CNTN4: variants seen among roughly 807,000 people sequenced by gnomAD.
CNTN4 encodes the protein contactin 4.
A neutral mutation model predicts 122.5 loss-of-function variants in CNTN4; 77 were observed. The observed-to-expected ratio is 0.63, with a 90% CI of 0.52 to 0.76. The LOEUF is 0.76. CNTN4 is among the 30% of genes least tolerant of loss of function. The pLI is 0.00. For missense variants in CNTN4, 1,256 were observed against 1,259.1 expected (o/e 1.00, Z 0.04); for synonymous variants, 512 against 447.0 (o/e 1.15, Z -1.83).
chr3:2,650,512 C>T (rs139359145), intron 4 of CNTN4, among the ~76,000 whole-genome samples: 56 of 152,244 alleles, frequency 3.7e-4, no homozygotes, highest in African/African-American at 1.1e-3. Context: ...ATTCCTACTG[C>T]GGATAAAATC....
intron 2 of CNTN4, among the ~76,000 whole-genome samples, chr3:2,204,364 TG>T (rs1306734258): frequency 6.6e-6 from 1 of 152,192 alleles, no homozygotes; most frequent in Non-Finnish European, 1.5e-5. Context: ...TAAAATTATA[TG>T]TAACTACGCA....
chr3:2,917,113 A>T, intron 12 of CNTN4, among the ~76,000 whole-genome samples: 1 of 136,632 alleles, frequency 7.3e-6, no homozygotes, highest in African/African-American at 2.8e-5. Flanking sequence ...CAGCCCGGCC[A>T]ACACGGCGAA....
At chr3:2,240,799 T>A (rs542056874) in intron 2 of CNTN4, among the ~76,000 whole-genome samples, 2 of 152,250 alleles carry the variant, frequency 1.3e-5, no homozygotes, top group African/African-American at 4.8e-5. Context: ...CGTTTGTAAA[T>A]CCAGTGAGAA....
intron 4 of CNTN4, among the ~76,000 whole-genome samples, chr3:2,619,050 G>A (rs967695057): frequency 1.3e-5 from 2 of 152,272 alleles, no homozygotes; most frequent in South Asian, 4.1e-4. Flanking sequence ...TGAGACAGTA[G>A]CACTTATATT....
At chr3:2,650,351 A>G (rs1369275738) in intron 4 of CNTN4, among the ~76,000 whole-genome samples, 1 of 152,156 alleles carries the variant, frequency 6.6e-6, no homozygotes, top group Non-Finnish European at 1.5e-5. Context: ...TGCTTCTTAT[A>G]GATAAGCAAA....
intron 2 of CNTN4, among the ~76,000 whole-genome samples, chr3:2,161,292 T>C (rs909799945): frequency 3.9e-5 from 6 of 152,056 alleles, no homozygotes; most frequent in Non-Finnish European, 2.9e-5. Flanking sequence ...CTGGGCTGCA[T>C]TATAAGAAAA....
chr3:2,290,196 G>C (rs1215648584), intron 2 of CNTN4, among the ~76,000 whole-genome samples: 2 of 152,152 alleles, frequency 1.3e-5, no homozygotes, highest in Non-Finnish European at 2.9e-5. Flanking sequence ...CCCAGAAACA[G>C]GGGCAATGAA....
intron 6 of CNTN4, among the ~76,000 whole-genome samples, chr3:2,804,901 G>A (rs1011089186): frequency 3.3e-5 from 5 of 152,124 alleles, no homozygotes; most frequent in African/African-American, 4.8e-5. Context: ...TCGGCCAGGC[G>A]TGGTGGCTCA....
rs574301079 is a variant in CNTN4 at position 2,889,472 on chromosome 3, T to C, written c.940+2248T>C. On this transcript the variant is annotated intron_variant, in intron 10 of 24. Coordinates refer to ENST00000418658, the MANE Select transcript of CNTN4 (RefSeq NM_175607.3). ...GTTGTAAAGCAAAAGACACCACAGTTAACTGACTGCAAAATCATGAGACTG... is the reference window on the plus strand; with the variant it reads ...GTTGTAAAGCAAAAGACACCACAGTCAACTGACTGCAAAATCATGAGACTG... Among the ~76,000 whole-genome samples the C allele has an allele frequency of 3.9e-5, 6 of 152,312 alleles. No individual in the cohort carries two copies. In the East Asian group the frequency reaches 1.2e-3, roughly 29 times the overall value.
At chr3:2,161,457 T>A (rs1306357793) in intron 2 of CNTN4, among the ~76,000 whole-genome samples, 2 of 151,482 alleles carry the variant, frequency 1.3e-5, no homozygotes, top group African/African-American at 4.9e-5. Flanking sequence ...GCAGTGGAGG[T>A]GGAGAGAGAT....
chr3:2,298,117 C>A (rs1367001816), intron 2 of CNTN4, among the ~76,000 whole-genome samples: 1 of 152,106 alleles, frequency 6.6e-6, no homozygotes, highest in Non-Finnish European at 1.5e-5. Context: ...GTTGAATGAA[C>A]AATTAGGTTG....
At chr3:2,104,253 TGTGC>T (rs60431286) in intron 2 of CNTN4, among the ~76,000 whole-genome samples, 32,819 of 150,626 alleles carry the variant, frequency 0.22, 4,165 homozygotes, top group Non-Finnish European at 0.29. Flanking sequence ...TGTGTGTGTG[TGTGC>T]GTTTCAAGTC....
At chr3:2,671,484 C>T (rs190924578) in intron 4 of CNTN4, among the ~76,000 whole-genome samples, 44 of 152,256 alleles carry the variant, frequency 2.9e-4, no homozygotes, top group African/African-American at 8.7e-4. Context: ...TCTAGTTAGC[C>T]ATTCATGTAA....
intron 3 of CNTN4, among the ~76,000 whole-genome samples, chr3:2,439,148 A>G (rs895382308): frequency 2.6e-5 from 4 of 152,200 alleles, no homozygotes; most frequent in Non-Finnish European, 5.9e-5. Context: ...GGAAATTAAA[A>G]CAAAGATAAC....
chr3:2,429,809 C>A (rs989067880), intron 3 of CNTN4, among the ~76,000 whole-genome samples: 1 of 152,198 alleles, frequency 6.6e-6, no homozygotes, highest in Admixed American at 6.5e-5. Flanking sequence ...AGCCTTGCTG[C>A]CACCTTGCAG....
intron 4 of CNTN4, among the ~76,000 whole-genome samples, chr3:2,679,929 T>C (rs73009664): frequency 0.027 from 4,166 of 152,322 alleles, 96 homozygotes; most frequent in Non-Finnish European, 0.046. Context: ...TTATTTGTCA[T>C]TTGCTTAACT....
chr3:2,646,214 G>A (rs2083112162), intron 4 of CNTN4, among the ~76,000 whole-genome samples: 1 of 152,018 alleles, frequency 6.6e-6, no homozygotes, highest in Non-Finnish European at 1.5e-5. Context: ...AAGATGTTCA[G>A]TCAGACATGG....
intron 13 of CNTN4, among the ~76,000 whole-genome samples, chr3:2,981,330 G>A (rs1017808783): frequency 7.2e-5 from 11 of 151,800 alleles, no homozygotes; most frequent in Admixed American, 5.9e-4. Context: ...TGTAGTCCCA[G>A]CTACTCGGGA....
intron 4 of CNTN4, among the ~76,000 whole-genome samples, chr3:2,639,771 G>C (rs2082822027): frequency 6.6e-6 from 1 of 152,144 alleles, no homozygotes; most frequent in Non-Finnish European, 1.5e-5. Flanking sequence ...TTCTATAAAA[G>C]GTTGAAATAC....
Sources: gnomAD v4.1 joint callset for allele counts (sites outside exome capture counted in the v4.1 genomes callset) on GRCh38, gnomAD v4.1.1 for gene constraint, MANE v1.5 for transcripts, NCBI Gene and HGNC (gene_info 2026-07-23, HGNC 2026-07-21) for gene names.